Variants in PROS1 observed in about 807,000 individuals in gnomAD.
PROS1 encodes the protein protein S.
A neutral mutation model predicts 75.9 loss-of-function variants in PROS1; 29 were observed. That is an observed-to-expected ratio of 0.38 (90% confidence interval 0.28 to 0.52). The LOEUF (loss-of-function observed/expected upper bound fraction) is 0.52. Ranked by LOEUF, PROS1 falls within the 20% of genes least tolerant of loss-of-function variation. PROS1 has a pLI of 0.83. For synonymous variants in PROS1, 245 were observed against 280.6 expected (o/e 0.87, Z 1.27); for missense variants, 680 against 810.3 (o/e 0.84, Z 1.95).
chr3:93,924,580 A>G (rs1373463940), intron 2 of PROS1, among the ~76,000 whole-genome samples: 1 of 151,964 alleles, frequency 6.6e-6, no homozygotes, highest in East Asian at 1.9e-4. Flanking sequence ...TTTTTCCATA[A>G]TGATTAGATA....
chr3:93,893,271 GAATT>G (rs1708458828), intron 9 of PROS1, 149 bp from the exon 10 acceptor site: 1 of 717,042 alleles, frequency 1.4e-6, no homozygotes, highest in Non-Finnish European at 2.4e-6. Flanking sequence ...GAGAAGGGCA[GAATT>G]AGACTGCTCA....
At chr3:93,972,684 CA>C (rs372602802) in intron 1 of PROS1, among the ~76,000 whole-genome samples, 25,272 of 111,986 alleles carry the variant, frequency 0.23, 2,595 homozygotes, top group Non-Finnish European at 0.29. Flanking sequence ...AGTAAAAATA[CA>C]AAAAAAAAAA....
Position 93,924,235 on chromosome 3 carries a change from C to A in PROS1, c.259+5G>T. The stretch of plus-strand genomic sequence containing the variant: ...GATTATATAATTGAGATGTTTTGAA[C>A]TTACCTAAGTATTTTGGATAAAAAT... On this transcript the variant is annotated splice_donor_5th_base_variant and intron_variant, in intron 3 of 14. Coordinates refer to ENST00000394236, the MANE Select transcript of PROS1 (RefSeq NM_000313.4). 1.5e-6 allele frequency: 2 copies of A among 1,306,328 alleles called. No individual in the cohort carries two copies. Among genetic ancestry groups the A allele is most frequent in the Non-Finnish European group, 1.0e-6 (1 of 956,574 alleles). 80.9% of individuals were successfully genotyped at this position (1,306,328 alleles called of 1,614,324 possible). A position where few individuals can be genotyped will look rare whatever the true frequency, so the allele number is the denominator to read the frequency against.
At chr3:93,913,784 A>AAAGTCTC (rs1420264671) in intron 3 of PROS1, among the ~76,000 whole-genome samples, 2 of 152,200 alleles carry the variant, frequency 1.3e-5, no homozygotes. Flanking sequence ...TCCAAAGTCC[A>AAAGTCTC]AAGTCTCATC....
intron 11 of PROS1, among the ~76,000 whole-genome samples, chr3:93,885,138 C>A (rs1455047153): frequency 6.6e-6 from 1 of 152,188 alleles, no homozygotes; most frequent in Admixed American, 6.5e-5. Context: ...ACACTTCAAG[C>A]CCCACCTGCC....
In PROS1 at chr3:93,922,332, C is replaced by T. The variant is rs1169888916; in HGVS notation, c.259+1908G>A. Among the ~76,000 whole-genome samples the T allele has an allele frequency of 4.6e-5, 7 of 152,194 alleles. No individual in the cohort carries two copies. In the Middle Eastern group the frequency reaches 0.021, roughly 447 times the overall value. ...ATATTTAGGCTCAGAGTTCACCATT[C>T]TTCCCAGGAAGTTTCTCTCTCTTTA... is the stretch of plus-strand genomic sequence containing the variant. On this transcript the variant is annotated intron_variant, in intron 3 of 14. Coordinates refer to ENST00000394236, the MANE Select transcript of PROS1 (RefSeq NM_000313.4).
intron 1 of PROS1, among the ~76,000 whole-genome samples, chr3:93,937,475 C>T (rs1709202632): frequency 6.6e-6 from 1 of 151,120 alleles, no homozygotes; most frequent in South Asian, 2.1e-4. Context: ...TCATGCCATT[C>T]TCCTGCCTCA....
intron 12 of PROS1, among the ~76,000 whole-genome samples, chr3:93,883,515 AC>A (rs556310409): frequency 9.6e-4 from 146 of 151,930 alleles, no homozygotes; most frequent in Non-Finnish European, 1.8e-3. Context: ...AATCACTTGA[AC>A]CTGCAAGGTG....
Position 93,897,007 on chromosome 3 carries a change from A to C in PROS1, c.850-316T>G, listed in dbSNP as rs1708511082. ...AAACTCTTTCTTCAAGAACCAATAT[A>C]TATTTCTTTAATTAACAGTCAGGTA... On this transcript the variant is annotated intron_variant, in intron 8 of 14. Transcript: ENST00000394236. Among the ~76,000 whole-genome samples, 3 of 152,236 alleles carry C rather than the reference A, an allele frequency of 2.0e-5. No individual in the cohort carries two copies. In the South Asian group the frequency reaches 6.2e-4, roughly 32 times the overall value.
chr3:93,956,994 T>G (rs2107253974), intron 1 of PROS1, among the ~76,000 whole-genome samples: 1 of 152,072 alleles, frequency 6.6e-6, no homozygotes, highest in African/African-American at 2.4e-5. Flanking sequence ...AAAATTAACC[T>G]GAGGAAATAA....
chr3:93,949,159 C>A (rs1709452853), intron 1 of PROS1, among the ~76,000 whole-genome samples: 1 of 152,106 alleles, frequency 6.6e-6, no homozygotes, highest in Non-Finnish European at 1.5e-5. Flanking sequence ...AGGGCCAGGA[C>A]CAAGAATCAT....
chr3:93,972,030 A>T (rs1709889505), intron 1 of PROS1, among the ~76,000 whole-genome samples: 1 of 152,180 alleles, frequency 6.6e-6, no homozygotes, highest in South Asian at 2.1e-4. Context: ...GTAATTCCCC[A>T]TATGTTTATA....
At chr3:93,901,987 G>A (rs1246672804) in intron 6 of PROS1, among the ~76,000 whole-genome samples, 2 of 151,982 alleles carry the variant, frequency 1.3e-5, no homozygotes, top group Non-Finnish European at 2.9e-5. Flanking sequence ...AGCAACAGTG[G>A]GACACTGTCT....
intron 10 of PROS1, among the ~76,000 whole-genome samples, chr3:93,891,025 A>C (rs991563168): frequency 1.3e-5 from 2 of 152,098 alleles, no homozygotes; most frequent in African/African-American, 2.4e-5. Flanking sequence ...GAATCACCTG[A>C]ACCCAGGAGG....
intron 10 of PROS1, 79 bp from the exon 11 acceptor site, chr3:93,886,582 T>A: frequency 9.2e-7 from 1 of 1,083,982 alleles, no homozygotes; most frequent in Non-Finnish European, 1.4e-6. Context: ...AAAACTTATG[T>A]TATTATTCCA....
chr3:93,896,401 T>C lies in PROS1; in HGVS notation c.965+175A>G, dbSNP rs544645567. Among the ~76,000 whole-genome samples the C allele has an allele frequency of 5.3e-5, 8 of 152,282 alleles. No individual in the cohort carries two copies. In the South Asian group the frequency reaches 1.7e-3, roughly 32 times the overall value. On this transcript the variant is annotated intron_variant, in intron 9 of 14. Transcript: ENST00000394236. ...ACTCAAAAAGGTTTTAGGATGAAAA[T>C]TACATGTGTGAAGGAGTAAATTAAC...
intron 10 of PROS1, among the ~76,000 whole-genome samples, chr3:93,888,559 T>C (rs1328292094): frequency 6.6e-6 from 1 of 152,152 alleles, no homozygotes; most frequent in Non-Finnish European, 1.5e-5. Context: ...TGAGATAGTG[T>C]TTGGAACCAC....
intron 1 of PROS1, among the ~76,000 whole-genome samples, chr3:93,956,164 GTAGGA>G (rs1427141272): frequency 6.6e-6 from 1 of 152,084 alleles, no homozygotes. Context: ...ATATACAGCG[GTAGGA>G]TAGTAGTATC....
chr3:93,931,698 G>C (rs537160537), intron 1 of PROS1, among the ~76,000 whole-genome samples: 51 of 152,176 alleles, frequency 3.4e-4, no homozygotes, highest in Non-Finnish European at 6.5e-4. Flanking sequence ...TACTTTTCCT[G>C]AGACTTTTCT....
Sources: allele counts gnomAD v4.1 joint callset (sites outside exome capture counted in the v4.1 genomes callset), GRCh38; gene constraint gnomAD v4.1.1; transcripts MANE v1.5; gene names NCBI Gene and HGNC (gene_info 2026-07-23, HGNC 2026-07-21).